The following KCNQ1OT1 variants were observed in gnomAD, a reference collection of about 807,000 sequenced individuals.
KCNQ1OT1 encodes KCNQ1 antisense RNA 2 (non-protein coding).
At chr11:2,688,219 G>A in exon 1 of KCNQ1OT1, 1 of 398,776 alleles carries the variant, frequency 2.5e-6, no homozygotes, top group Non-Finnish European at 4.4e-6. Flanking sequence ...GCCCACCAAA[G>A]GTTGTAGCCA....
chr11:2,698,737 T>G lies in KCNQ1OT1; in HGVS notation n.1258A>C. 1 of 398,766 alleles carries G rather than the reference T, an allele frequency of 2.5e-6. No individual in the cohort carries two copies. 24.7% of individuals were successfully genotyped at this position (398,766 alleles called of 1,614,324 possible). ...TCCAGTCGCCAACTCGGACCTCCCT[T>G]GGATCTCAACTCAGAGCCATGATGC... On this transcript the variant is annotated non_coding_transcript_exon_variant, in exon 1 of 1. Coordinates refer to ENST00000597346, the Ensembl canonical transcript of KCNQ1OT1. This position sits in a 1 kb window ranked among gnomAD's most constrained non-coding sequence, Gnocchi z 5.1.
At chr11:2,649,449 C>T in exon 1 of KCNQ1OT1, 2 of 398,496 alleles carry the variant, frequency 5.0e-6, no homozygotes, top group Non-Finnish European at 4.4e-6. Flanking sequence ...CTCCCTTAAG[C>T]ATTTCTTGTG....
In KCNQ1OT1 at chr11:2,695,994, A is replaced by C; in HGVS notation, n.4001T>G. 2.5e-6 allele frequency: 1 copy of C among 398,636 alleles called. No homozygotes were observed. Among genetic ancestry groups the C allele is most frequent in the East Asian group, 3.6e-5 (1 of 28,066 alleles). 24.7% of individuals were successfully genotyped at this position (398,636 alleles called of 1,614,324 possible). On this transcript the variant is annotated non_coding_transcript_exon_variant, in exon 1 of 1. Transcript: ENST00000597346. This position sits in a 1 kb window ranked among gnomAD's most constrained non-coding sequence, Gnocchi z 5.2. ...CAAATATCTTGTAATGAGTCATGGC[A>C]AAGTTACATTCATGAGTGTAAAAGT...
chr11:2,614,206 C>A, exon 1 of KCNQ1OT1: 1 of 398,572 alleles, frequency 2.5e-6, no homozygotes, highest in Non-Finnish European at 4.4e-6. Flanking sequence ...CACCTCAAAT[C>A]TTAGTCATTT....
rs1255151913 is a variant in KCNQ1OT1 at position 2,623,007 on chromosome 11, C to T, written n.76988G>A. On this transcript the variant is annotated non_coding_transcript_exon_variant, in exon 1 of 1. Transcript: ENST00000597346. This position sits in a 1 kb window ranked among gnomAD's most constrained non-coding sequence, Gnocchi z 5.2. ...GTTCCCACCCAAATCTCATCTTGAA[C>T]TGTAATCCCCATGTGTCAGGGGAGG... 7.5e-6 allele frequency: 3 copies of T among 398,472 alleles called. No homozygotes were observed. The highest frequency in any genetic ancestry group is 4.1e-5 in the African/African-American group (2 of 48,620). 24.7% of individuals were successfully genotyped at this position (398,472 alleles called of 1,614,324 possible).
Position 2,669,557 on chromosome 11 carries a change from C to T in KCNQ1OT1, n.30438G>A, listed in dbSNP as rs749075325. On this transcript the variant is annotated non_coding_transcript_exon_variant, in exon 1 of 1. Coordinates refer to ENST00000597346, the Ensembl canonical transcript of KCNQ1OT1. This position sits in a 1 kb window ranked among gnomAD's most constrained non-coding sequence, Gnocchi z 5.6. The stretch of plus-strand genomic sequence containing the variant: ...TCCAGGGACAAGGTCTGTCAGGGAG[C>T]CCTGGCCAGCTTGGGTCATTTCATC... 40 of 398,502 alleles carry T rather than the reference C, an allele frequency of 1.0e-4. No individual in the cohort carries two copies. Among genetic ancestry groups the T allele is most frequent in the Non-Finnish European group, 1.5e-4 (34 of 226,092 alleles). The allele number at this position is 398,502 out of a possible 1,614,324, so 24.7% of individuals were successfully genotyped here.
rs1175170706 is a variant in KCNQ1OT1 at position 2,658,618 on chromosome 11, G to C, written n.41377C>G. 9 of 398,282 alleles carry C rather than the reference G, an allele frequency of 2.3e-5. No individual in the cohort carries two copies. The East Asian group carries it at 3.2e-4, about 14-fold the overall frequency. The allele number at this position is 398,282 out of a possible 1,614,324, so 24.7% of individuals were successfully genotyped here. ...AGAATGAATAGAAAACCTGGATCTA[G>C]GCACGGGGTATGCTCGTGGCTACTA... On this transcript the variant is annotated non_coding_transcript_exon_variant, in exon 1 of 1. Coordinates refer to ENST00000597346, the Ensembl canonical transcript of KCNQ1OT1. This position sits in a 1 kb window ranked among gnomAD's most constrained non-coding sequence, Gnocchi z 4.9.
exon 1 of KCNQ1OT1, chr11:2,672,065 G>A (rs1272401971): frequency 2.5e-6 from 1 of 398,550 alleles, no homozygotes; most frequent in Non-Finnish European, 4.4e-6. Context: ...ATCCTCCCCT[G>A]GTCCCTGGTC....
chr11:2,673,085 C>T lies in KCNQ1OT1; in HGVS notation n.26910G>A, dbSNP rs567126346. The T allele has an allele frequency of 5.0e-6, 2 of 398,878 alleles. No individual in the cohort carries two copies. The highest frequency in any genetic ancestry group is 4.4e-5 in the Admixed American group (1 of 22,738). The allele number at this position is 398,878 out of a possible 1,614,324, so 24.7% of individuals were successfully genotyped here. On this transcript the variant is annotated non_coding_transcript_exon_variant, in exon 1 of 1. Transcript: ENST00000597346. This position sits in a 1 kb window ranked among gnomAD's most constrained non-coding sequence, Gnocchi z 4.5. The stretch of plus-strand genomic sequence containing the variant: ...AGTTGGCTTCTCAGGCCACAGTAGG[C>T]CTTCACGGTACTCAGCAGGAGACCC...
chr11:2,678,901 G>A lies in KCNQ1OT1; in HGVS notation n.21094C>T, dbSNP rs995844372. The stretch of plus-strand genomic sequence containing the variant: ...GACCCAAGGACCATTTCGTATACAT[G>A]TATGATCATACTTTCAGGGCATCTT... On this transcript the variant is annotated non_coding_transcript_exon_variant, in exon 1 of 1. Transcript: ENST00000597346. The surrounding 1 kb of genome is among the most constrained non-coding windows in gnomAD (Gnocchi z 4.9). 3 of 398,490 alleles carry A rather than the reference G, an allele frequency of 7.5e-6. No individual in the cohort carries two copies. Among genetic ancestry groups the A allele is most frequent in the Non-Finnish European group, 1.3e-5 (3 of 226,082 alleles). 24.7% of individuals were successfully genotyped at this position (398,490 alleles called of 1,614,324 possible). A position where few individuals can be genotyped will look rare whatever the true frequency, so the allele number is the denominator to read the frequency against.
exon 1 of KCNQ1OT1, chr11:2,685,608 G>C: frequency 2.5e-6 from 1 of 398,740 alleles, no homozygotes; most frequent in Non-Finnish European, 4.4e-6. Context: ...GAGGGTTGCA[G>C]CTGGCTGTTG....
exon 1 of KCNQ1OT1, chr11:2,648,981 C>CTTTTTTTTTTTTTTTTTTTTTTTTTT: frequency 3.8e-5 from 8 of 213,306 alleles, no homozygotes; most frequent in Admixed American, 1.9e-4. Context: ...TTTTCTTTTT[C>CTTTTTTTTTTTTTTTTTTTTTTTTTT]TTTTTTTTTT....
At position 2,687,634 on chromosome 11, in the gene KCNQ1OT1, C is replaced by T. The variant is rs1343429505; in HGVS notation, n.12361G>A. 5.0e-6 allele frequency: 2 copies of T among 398,552 alleles called. No individual in the cohort carries two copies. Among genetic ancestry groups the T allele is most frequent in the East Asian group, 7.1e-5 (2 of 28,090 alleles). The allele number at this position is 398,552 out of a possible 1,614,324, so 24.7% of individuals were successfully genotyped here. On this transcript the variant is annotated non_coding_transcript_exon_variant, in exon 1 of 1. Coordinates refer to ENST00000597346, the Ensembl canonical transcript of KCNQ1OT1. This position sits in a 1 kb window ranked among gnomAD's most constrained non-coding sequence, Gnocchi z 5.0. ...ATCCCTTCTCCATTCCTCTCAGGCCCCTGTAAAAATTGGGACCTGTCCTTG... is the reference window on the plus strand; with the variant it reads ...ATCCCTTCTCCATTCCTCTCAGGCCTCTGTAAAAATTGGGACCTGTCCTTG...
At position 2,627,374 on chromosome 11, in the gene KCNQ1OT1, C is replaced by A. The variant is rs139835562; in HGVS notation, n.72621G>T. On this transcript the variant is annotated non_coding_transcript_exon_variant, in exon 1 of 1. Transcript: ENST00000597346. This position sits in a 1 kb window ranked among gnomAD's most constrained non-coding sequence, Gnocchi z 4.9. ...AAATTCCAAGTATAGAATATATTAA[C>A]TATAGTCACCAATCTGGACGTTATG... The A allele has an allele frequency of 5.7e-4, 227 of 398,474 alleles. 2 individuals are homozygous for A. In the East Asian group the frequency reaches 7.7e-3, roughly 14 times the overall value. 24.7% of individuals were successfully genotyped at this position (398,474 alleles called of 1,614,324 possible).
chr11:2,692,840 G>A (rs1850610446), exon 1 of KCNQ1OT1: 2 of 398,548 alleles, frequency 5.0e-6, no homozygotes, highest in South Asian at 1.3e-4. Flanking sequence ...TCCCCTGCCT[G>A]TTAGACATAA....
At chr11:2,648,549 T>C (rs1303012368) in exon 1 of KCNQ1OT1, 6 of 398,398 alleles carry the variant, frequency 1.5e-5, no homozygotes, top group African/African-American at 4.1e-5. Flanking sequence ...TTCAGGAACA[T>C]GTAGTTTGAT....
exon 1 of KCNQ1OT1, chr11:2,648,219 A>T: frequency 2.5e-6 from 1 of 392,346 alleles, no homozygotes; most frequent in African/African-American, 2.1e-5. Flanking sequence ...GGTGGGGGGG[A>T]GGCCTCATTT....
chr11:2,677,493 A>C lies in KCNQ1OT1; in HGVS notation n.22502T>G. 2.5e-6 allele frequency: 1 copy of C among 398,592 alleles called. No homozygotes were observed. Among genetic ancestry groups the C allele is most frequent in the South Asian group, 1.3e-4 (1 of 7,856 alleles). 24.7% of individuals were successfully genotyped at this position (398,592 alleles called of 1,614,324 possible). On this transcript the variant is annotated non_coding_transcript_exon_variant, in exon 1 of 1. Coordinates refer to ENST00000597346, the Ensembl canonical transcript of KCNQ1OT1. This position sits in a 1 kb window ranked among gnomAD's most constrained non-coding sequence, Gnocchi z 4.5. Reference sequence around the variant, plus strand: ...GAAACCATGCCATACTTCTACAAAAAATGATCCTCTCTGTGGAAGTGCTGC... The same window carrying C: ...GAAACCATGCCATACTTCTACAAAACATGATCCTCTCTGTGGAAGTGCTGC...
chr11:2,620,323 TCTCCTGCCTCAGCCTC>T lies in KCNQ1OT1; in HGVS notation n.79656_79671del, dbSNP rs1849148211. On this transcript the variant is annotated non_coding_transcript_exon_variant, in exon 1 of 1. Transcript: ENST00000597346. The surrounding 1 kb of genome is among the most constrained non-coding windows in gnomAD (Gnocchi z 4.5). ...CCTCCGCCTACCGGGTTCAAGTGAT[TCTCCTGCCTCAGCCTC>T]CTGAGTAGCTGGGATTAGAGGCATG... is the stretch of plus-strand genomic sequence containing the variant. 2.0e-5 allele frequency: 4 copies of T among 203,200 alleles called. No individual in the cohort carries two copies. In the Admixed American group the frequency reaches 2.4e-4, roughly 12 times the overall value. The allele number at this position is 203,200 out of a possible 1,614,324, so 12.6% of individuals were successfully genotyped here. A position where few individuals can be genotyped will look rare whatever the true frequency, so the allele number is the denominator to read the frequency against.
Sources: allele counts gnomAD v4.1 joint callset, GRCh38; gene constraint gnomAD v4.1.1; non-coding constraint Gnocchi (gnomAD v3.1); transcripts MANE v1.5; gene names NCBI Gene and HGNC (gene_info 2026-07-23, HGNC 2026-07-21).